The following SHBG variants were observed in gnomAD, a reference collection of about 807,000 sequenced individuals.
SHBG encodes the protein sex hormone-binding globulin.
SHBG carries 37 observed loss-of-function variants against 41.9 expected under a neutral mutation model. The ratio of observed to expected loss-of-function variants is 0.88; its 90% confidence interval spans 0.68 to 1.16. The LOEUF (loss-of-function observed/expected upper bound fraction) is 1.16. SHBG is among the 50% of genes most tolerant of loss of function. The probability of loss-of-function intolerance (pLI) is 0.00; values close to 1 mark genes in which losing one functional copy is unlikely to be tolerated. For synonymous variants in SHBG, 217 were observed against 205.8 expected (o/e 1.05, Z -0.47); for missense variants, 466 against 499.9 (o/e 0.93, Z 0.65).
In SHBG at chr17:7,630,795, A is replaced by C; in HGVS notation, c.319A>C (p.Ile107Leu). 6.2e-7 allele frequency: 1 copy of C among 1,614,038 alleles called. No homozygotes were observed. The highest frequency in any genetic ancestry group is 8.5e-7 in the Non-Finnish European group (1 of 1,180,030). Reference protein sequence around the residue: ...MLGLRDGRPEIQLHNHWAQLT... With the variant: ...MLGLRDGRPELQLHNHWAQLT... The stretch of plus-strand genomic sequence containing the variant: ...GGGACTTCGAGACGGCAGGCCTGAG[A>C]TCCAACTGCACAATCACTGGGCCCA... Residue 107 changes from isoleucine (I) to leucine (L), a missense_variant, in exon 3 of 8, where the codon ATC (isoleucine) becomes CTC (leucine). Transcript: ENST00000380450. This position sits in a 1 kb window ranked among gnomAD's most constrained non-coding sequence, Gnocchi z 4.6.
upstream of SHBG, chr17:7,627,755 G>T (rs761078915): frequency 9.8e-6 from 11 of 1,121,528 alleles, no homozygotes; most frequent in South Asian, 2.6e-5. This position sits in a 1 kb window ranked among gnomAD's most constrained non-coding sequence, Gnocchi z 4.8. Context: ...CGGGAGTCGG[G>T]GGGGACGGCG....
upstream of SHBG, chr17:7,626,973 C>A (rs758313991): frequency 6.2e-7 from 1 of 1,613,986 alleles, no homozygotes; most frequent in Non-Finnish European, 8.5e-7. Context: ...TAGATATCCT[C>A]CAGATAAATG....
Position 7,633,283 on chromosome 17 carries a change from C to G in SHBG, c.1140C>G (p.Asn380Lys), listed in dbSNP as rs200408334. 1.9e-6 allele frequency: 3 copies of G among 1,614,194 alleles called. No homozygotes were observed. Among genetic ancestry groups the G allele is most frequent in the Non-Finnish European group, 2.5e-6 (3 of 1,180,030 alleles). ...GGCTGGATGTGGACCAGGCCCTGAA[C>G]AGAAGCCATGAGATCTGGACTCACA... ...GQRLDVDQAL[N>K]RSHEIWTHSC... Residue 380 changes from asparagine to lysine, a missense_variant, in exon 8 of 8, where the codon AAC becomes AAG. By Grantham distance (94) the Asn-to-Lys change is moderately conservative. Transcript: ENST00000380450.
At position 7,631,983 on chromosome 17, in the gene SHBG, C is replaced by A; in HGVS notation, c.820C>A (p.Pro274Thr). Reference sequence around the variant, plus strand: ...CCTTGCTCTTGGGACACCAGAGAACCCATCTTGGCTCAGTCTCCACCTCCA... The same window carrying A: ...CCTTGCTCTTGGGACACCAGAGAACACATCTTGGCTCAGTCTCCACCTCCA... The part of the protein sequence containing the change: ...HLLALGTPEN[P>T]SWLSLHLQDQ... The change falls in exon 6 of 8, where the codon CCA becomes ACA. Residue 274 changes from proline to threonine, a missense_variant. Pro to Thr is a conservative substitution (Grantham distance 38). Coordinates refer to ENST00000380450, the MANE Select transcript of SHBG (RefSeq NM_001040.5). The A allele has an allele frequency of 6.2e-7, 1 of 1,613,922 alleles. No homozygotes were observed. The highest frequency in any genetic ancestry group is 2.2e-5 in the East Asian group (1 of 44,886).
upstream of SHBG, chr17:7,627,923 G>A: frequency 1.8e-6 from 1 of 562,608 alleles, no homozygotes; most frequent in Non-Finnish European, 3.3e-6. This position sits in a 1 kb window ranked among gnomAD's most constrained non-coding sequence, Gnocchi z 4.8. Context: ...TGGAGAACAG[G>A]CACGGCCGCG....
At chr17:7,631,170 C>A in intron 3 of SHBG, 30 bp from the exon 4 acceptor site, 1 of 1,518,818 alleles carries the variant, frequency 6.6e-7, no homozygotes, top group Non-Finnish European at 8.9e-7. Flanking sequence ...ATCCCAGGGG[C>A]CTCTGATTTT....
chr17:7,627,675 G>T (rs887814822), upstream of SHBG: 4 of 1,612,654 alleles, frequency 2.5e-6, 1 homozygote, highest in Admixed American at 5.0e-5. This position sits in a 1 kb window ranked among gnomAD's most constrained non-coding sequence, Gnocchi z 4.8. Flanking sequence ...CCAGGGCCTC[G>T]CAAACGGCAA....
chr17:7,614,890 C>A (rs1162140812), intron 1 of SHBG: 1 of 154,740 alleles, frequency 6.5e-6, no homozygotes, highest in African/African-American at 2.4e-5. Context: ...GCCACCGCCG[C>A]CTACTGCGCA....
chr17:7,620,412 G>A (rs1022557906), intron 1 of SHBG, among the ~76,000 whole-genome samples: 1 of 152,166 alleles, frequency 6.6e-6, no homozygotes, highest in Non-Finnish European at 1.5e-5. Flanking sequence ...TGCCTCCCGG[G>A]TTCAAGAGAT....
At chr17:7,626,617 G>A (rs775190345), upstream of SHBG, 12 of 1,612,072 alleles carry the variant, frequency 7.4e-6, no homozygotes, top group Admixed American at 5.0e-5. Flanking sequence ...AAGGCCACCT[G>A]TGGGAGAAGA....
intron 1 of SHBG, chr17:7,614,643 C>G (rs1254991796): frequency 3.7e-6 from 2 of 543,032 alleles, no homozygotes; most frequent in Non-Finnish European, 5.5e-6. Flanking sequence ...GGGGGAGCCG[C>G]GGGGGGCGGG....
In SHBG at chr17:7,631,377, G is replaced by A. The variant is rs2072407232; in HGVS notation, c.555+16G>A. On this transcript the variant is annotated intron_variant, in intron 4 of 7. Coordinates refer to ENST00000380450, the MANE Select transcript of SHBG (RefSeq NM_001040.5). Reference sequence around the variant, plus strand: ...TCGGTTGCCGGTAACTACACCCCAGGGGTGGAACCCTAGCCAAGACTTGGT... The same window carrying A: ...TCGGTTGCCGGTAACTACACCCCAGAGGTGGAACCCTAGCCAAGACTTGGT... The A allele has an allele frequency of 6.2e-7, 1 of 1,610,838 alleles. No individual in the cohort carries two copies. Among genetic ancestry groups the A allele is most frequent in the African/African-American group, 1.3e-5 (1 of 74,854 alleles).
At chr17:7,618,967 A>G (rs2072041232) in intron 1 of SHBG, among the ~76,000 whole-genome samples, 1 of 152,210 alleles carries the variant, frequency 6.6e-6, no homozygotes. Flanking sequence ...AAATTAGAGT[A>G]CACAGGAAAC....
At chr17:7,625,505 A>G (rs2072180566), upstream of SHBG, among the ~76,000 whole-genome samples, 1 of 151,860 alleles carries the variant, frequency 6.6e-6, no homozygotes, top group African/African-American at 2.4e-5. Flanking sequence ...AGAACCCAAG[A>G]GGCAAAGCTT....
chr17:7,631,386 C>A, intron 4 of SHBG, 25 bp downstream of exon 4: 1 of 1,609,448 alleles, frequency 6.2e-7, no homozygotes, highest in South Asian at 1.1e-5. Flanking sequence ...GGGGTGGAAC[C>A]CTAGCCAAGA....
intron 6 of SHBG, 141 bp from the exon 7 acceptor site, chr17:7,632,611 G>T (rs2072454424): frequency 4.3e-6 from 3 of 690,912 alleles, no homozygotes; most frequent in Non-Finnish European, 7.7e-6. Flanking sequence ...AATTGGGGCA[G>T]GATTTAAGTG....
chr17:7,617,690 G>A (rs181392138), intron 1 of SHBG, among the ~76,000 whole-genome samples: 1 of 152,286 alleles, frequency 6.6e-6, no homozygotes, highest in East Asian at 1.9e-4. Context: ...TAGTCCATGG[G>A]ATACAACATC....
upstream of SHBG, among the ~76,000 whole-genome samples, chr17:7,628,873 T>A (rs2072309914): frequency 1.3e-5 from 2 of 149,772 alleles, no homozygotes; most frequent in Admixed American, 6.7e-5. Context: ...CTGACCAACA[T>A]GGTGAAACCC....
upstream of SHBG, among the ~76,000 whole-genome samples, chr17:7,628,433 T>C (rs556755598): frequency 5.1e-4 from 77 of 151,692 alleles, no homozygotes; most frequent in African/African-American, 1.8e-3. Context: ...CCGGCTAATT[T>C]TTTTTTCTTT....
Sources: gnomAD v4.1 joint callset for allele counts (sites outside exome capture counted in the v4.1 genomes callset) on GRCh38, gnomAD v4.1.1 for gene constraint, Gnocchi (gnomAD v3.1) non-coding constraint, MANE v1.5 for transcripts, NCBI Gene and HGNC (gene_info 2026-07-23, HGNC 2026-07-21) for gene names.